Variants in OR2L3 observed in about 807,000 individuals in gnomAD.
The protein encoded by OR2L3 is olfactory receptor family 2 subfamily L member 3, also known as olfactory receptor 2L3.
For synonymous variants in OR2L3, 131 were observed against 139.1 expected (o/e 0.94, Z 0.41); for missense variants, 369 against 376.6 (o/e 0.98, Z 0.17).
intron 1 of OR2L3, among the ~76,000 whole-genome samples, chr1:248,047,719 T>C (rs917207283): frequency 2.0e-5 from 3 of 152,168 alleles, no homozygotes; most frequent in Admixed American, 6.5e-5. Flanking sequence ...CAAATGAGCA[T>C]AGTATGTGGA....
Position 248,063,079 on chromosome 1 carries a change from T to C in OR2L3, c.*1459T>C, listed in dbSNP as rs1663696027. 6.6e-6 allele frequency: 1 copy of C among 152,222 alleles called. No homozygotes were observed. The highest frequency in any genetic ancestry group is 2.4e-5 in the African/African-American group (1 of 41,450). The allele number at this position is 152,222 out of a possible 1,614,324, so 9.4% of individuals were successfully genotyped here. A position where few individuals can be genotyped will look rare whatever the true frequency, so the allele number is the denominator to read the frequency against. On this transcript the variant is annotated 3_prime_UTR_variant, in exon 2 of 2. Coordinates refer to ENST00000359959, the MANE Select transcript of OR2L3 (RefSeq NM_001004687.2). ...TTCTACAGTGCTTTGACTATTTGGG[T>C]TCTTTAATAGTTCCATACAAATCTT...
intron 1 of OR2L3, among the ~76,000 whole-genome samples, chr1:248,052,035 A>C (rs1337897817): frequency 6.6e-6 from 1 of 152,000 alleles, no homozygotes; most frequent in Non-Finnish European, 1.5e-5. Flanking sequence ...TTTACTTACA[A>C]TTTTTTCAAC....
intron 1 of OR2L3, among the ~76,000 whole-genome samples, chr1:248,057,266 G>T (rs1222380421): frequency 1.3e-5 from 2 of 152,146 alleles, no homozygotes; most frequent in Non-Finnish European, 2.9e-5. Context: ...TTGTGTAGGG[G>T]TCTAAGTCTC....
intron 1 of OR2L3, among the ~76,000 whole-genome samples, chr1:248,057,581 G>C (rs1186656363): frequency 2.0e-5 from 3 of 151,976 alleles, no homozygotes; most frequent in Non-Finnish European, 1.5e-5. Context: ...GGTGACTTTG[G>C]CTGTTGTTGA....
Position 248,061,046 on chromosome 1 carries a change from A to T in OR2L3, c.365A>T (p.Tyr122Phe), listed in dbSNP as rs1053149935. The T allele has an allele frequency of 3.1e-6, 5 of 1,614,000 alleles. No individual in the cohort carries two copies. In the African/African-American group the frequency reaches 6.7e-5, roughly 22 times the overall value. Residue 122 changes from tyrosine to phenylalanine, a missense_variant, in exon 2 of 2, where the codon TAC becomes TTC. By Grantham distance (22) the Tyr-to-Phe change is conservative. Coordinates refer to ENST00000359959, the MANE Select transcript of OR2L3 (RefSeq NM_001004687.2). ...LLLASMAYDRYIAICFPLHYP... is the reference protein window; with the variant it reads ...LLLASMAYDRFIAICFPLHYP... ...TTGGCATCTATGGCCTATGATCGTT[A>T]CATTGCTATTTGCTTTCCTCTTCAC...
intron 1 of OR2L3, among the ~76,000 whole-genome samples, chr1:248,050,379 T>G (rs183571520): frequency 1.3e-5 from 2 of 152,296 alleles, no homozygotes; most frequent in Non-Finnish European, 2.9e-5. Context: ...TTTGGATTTA[T>G]TTTTACATAA....
Position 248,061,195 on chromosome 1 carries a change from G to C in OR2L3, c.514G>C (p.Ala172Pro), listed in dbSNP as rs1293986868. The C allele has an allele frequency of 6.2e-7, 1 of 1,612,176 alleles. No homozygotes were observed. The highest frequency in any genetic ancestry group is 1.7e-5 in the Admixed American group (1 of 59,894). The part of the protein sequence containing the change: ...VLHIPYCQSR[A>P]INHFFCDVPA... ...CCATATTCCTTATTGCCAATCCAGG[G>C]CCATCAATCATTTCTTCTGTGATGT... is the stretch of plus-strand genomic sequence containing the variant. The change falls in exon 2 of 2, where the codon GCC (alanine) becomes CCC (proline). Residue 172 changes from alanine (A) to proline (P), a missense_variant. Coordinates refer to ENST00000359959, the MANE Select transcript of OR2L3 (RefSeq NM_001004687.2).
Position 248,061,486 on chromosome 1 carries a change from G to C in OR2L3, c.805G>C (p.Glu269Gln). 1 of 1,613,986 alleles carries C rather than the reference G, an allele frequency of 6.2e-7. No individual in the cohort carries two copies. Among genetic ancestry groups the C allele is most frequent in the South Asian group, 1.1e-5 (1 of 91,078 alleles). The change falls in exon 2 of 2, where the codon GAG becomes CAG. Residue 269 changes from glutamate (E) to glutamine (Q), a missense_variant. Physicochemically the swap from Glu to Gln is conservative, Grantham distance 29. Transcript: ENST00000359959. ...LRPRSLRSPT[E>Q]DKVLAVFYTT... is the part of the protein sequence containing the mutation. Reference sequence around the variant, plus strand: ...TCCAAGATCCCTGCGATCTCCAACAGAGGACAAGGTTCTGGCTGTCTTCTA... The same window carrying C: ...TCCAAGATCCCTGCGATCTCCAACACAGGACAAGGTTCTGGCTGTCTTCTA...
At position 248,063,279 on chromosome 1, in the gene OR2L3, A is replaced by C. The variant is rs2103130312; in HGVS notation, c.*1659A>C. ...TTTCTTTCACCAGTGATTTGTACAAATACATTCTAGTGTTCTCTTCCATGA... is the reference window on the plus strand; with the variant it reads ...TTTCTTTCACCAGTGATTTGTACAACTACATTCTAGTGTTCTCTTCCATGA... On this transcript the variant is annotated 3_prime_UTR_variant, in exon 2 of 2. Coordinates refer to ENST00000359959, the MANE Select transcript of OR2L3 (RefSeq NM_001004687.2). The C allele has an allele frequency of 6.6e-6, 1 of 152,338 alleles. No homozygotes were observed. Among genetic ancestry groups the C allele is most frequent in the East Asian group, 1.9e-4 (1 of 5,194 alleles). The allele number at this position is 152,338 out of a possible 1,614,324, so 9.4% of individuals were successfully genotyped here. A position where few individuals can be genotyped will look rare whatever the true frequency, so the allele number is the denominator to read the frequency against.
rs989202306 is a variant in OR2L3 at position 248,063,077 on chromosome 1, G to C, written c.*1457G>C. On this transcript the variant is annotated 3_prime_UTR_variant, in exon 2 of 2. Transcript: ENST00000359959. ...TATTCTACAGTGCTTTGACTATTTG[G>C]GTTCTTTAATAGTTCCATACAAATC... 6.6e-6 allele frequency: 1 copy of C among 152,020 alleles called. No homozygotes were observed. The highest frequency in any genetic ancestry group is 1.5e-5 in the Non-Finnish European group (1 of 68,002). 9.4% of individuals were successfully genotyped at this position (152,020 alleles called of 1,614,324 possible).
At chr1:248,059,948 G>C (rs924467075) in intron 1 of OR2L3, among the ~76,000 whole-genome samples, 4 of 151,944 alleles carry the variant, frequency 2.6e-5, no homozygotes, top group African/African-American at 7.3e-5. Context: ...GCTGAGGCAG[G>C]TGGATTGCTT....
intron 1 of OR2L3, among the ~76,000 whole-genome samples, chr1:248,047,745 A>G (rs1319695665): frequency 1.3e-5 from 2 of 152,208 alleles, no homozygotes; most frequent in Non-Finnish European, 2.9e-5. Flanking sequence ...TGTGAAGGCT[A>G]TATTACTCTA....
chr1:248,056,207 A>G (rs1165046478), intron 1 of OR2L3, among the ~76,000 whole-genome samples: 2 of 152,068 alleles, frequency 1.3e-5, no homozygotes, highest in Non-Finnish European at 2.9e-5. Flanking sequence ...GTTTTAGGGT[A>G]CATGTGTACA....
At chr1:248,051,769 T>TTTTA (rs10689727) in intron 1 of OR2L3, among the ~76,000 whole-genome samples, 32,626 of 151,390 alleles carry the variant, frequency 0.22, 4,787 homozygotes, top group African/African-American at 0.42. Context: ...TCTGCTTTTA[T>TTTTA]TTTATTTATT....
In OR2L3 at chr1:248,061,285, A is replaced by G. The variant is rs61525219; in HGVS notation, c.604A>G (p.Thr202Ala). ...WVYEGTVFLS[T>A]TIFLVFPFIA... ...CTATGAGGGCACAGTGTTTTTGAGC[A>G]CCACCATCTTTCTCGTGTTTCCCTT... Residue 202 changes from threonine to alanine, a missense_variant, in exon 2 of 2, where the codon ACC becomes GCC. Coordinates refer to ENST00000359959, the MANE Select transcript of OR2L3 (RefSeq NM_001004687.2). 83,899 of 1,566,982 alleles carry G rather than the reference A, an allele frequency of 0.054. 7,107 individuals carry two copies. Among genetic ancestry groups the G allele is most frequent in the East Asian group, 0.23 (10,152 of 43,286 alleles).
intron 1 of OR2L3, among the ~76,000 whole-genome samples, chr1:248,050,078 G>A (rs559765885): frequency 8.5e-5 from 13 of 152,244 alleles, no homozygotes; most frequent in African/African-American, 3.1e-4. Flanking sequence ...CGTTCCAGGT[G>A]CCAATGTGTG....
intron 1 of OR2L3, among the ~76,000 whole-genome samples, chr1:248,047,377 A>G (rs1357485660): frequency 6.6e-6 from 1 of 152,182 alleles, no homozygotes; most frequent in Non-Finnish European, 1.5e-5. Context: ...ATGCCTGGAA[A>G]GTATTAGTGT....
At position 248,061,042 on chromosome 1, in the gene OR2L3, C is replaced by G. The variant is rs202209437; in HGVS notation, c.361C>G (p.Arg121Gly). 1 of 1,613,950 alleles carries G rather than the reference C, an allele frequency of 6.2e-7. No homozygotes were observed. The highest frequency in any genetic ancestry group is 1.3e-5 in the African/African-American group (1 of 74,862). ...ALLLASMAYD[R>G]YIAICFPLHY... The stretch of plus-strand genomic sequence containing the variant: ...ACTTTTGGCATCTATGGCCTATGAT[C>G]GTTACATTGCTATTTGCTTTCCTCT... The change falls in exon 2 of 2, where the codon CGT becomes GGT. Residue 121 changes from arginine to glycine, a missense_variant. Transcript: ENST00000359959.
intron 1 of OR2L3, among the ~76,000 whole-genome samples, chr1:248,057,850 A>C (rs1159972275): frequency 6.6e-6 from 1 of 152,114 alleles, no homozygotes; most frequent in Non-Finnish European, 1.5e-5. Context: ...GCATCCTGTA[A>C]TTTTGCTAAT....
Sources: gnomAD v4.1 joint callset for allele counts (sites outside exome capture counted in the v4.1 genomes callset) on GRCh38, gnomAD v4.1.1 for gene constraint, MANE v1.5 for transcripts, NCBI Gene and HGNC (gene_info 2026-07-23, HGNC 2026-07-21) for gene names.